The following MUSK variants were observed in gnomAD, a reference collection of about 807,000 sequenced individuals.
MUSK encodes muscle, skeletal receptor tyrosine-protein kinase.
MUSK carries 55 observed loss-of-function variants against 88.7 expected under a neutral mutation model. The ratio of observed to expected loss-of-function variants is 0.62; its 90% CI spans 0.50 to 0.78. The LOEUF is 0.78. Ranked by LOEUF, MUSK falls within the 30% of genes least tolerant of loss-of-function variation. The pLI, the probability that MUSK is intolerant of heterozygous loss-of-function variation, is 0.00. For synonymous variants in MUSK, 387 were observed against 391.9 expected (o/e 0.99, Z 0.15); for missense variants, 1,015 against 1,074.3 (o/e 0.94, Z 0.77).
At chr9:110,771,161 C>CTTTT (rs34185224) in intron 9 of MUSK, among the ~76,000 whole-genome samples, 4,639 of 95,938 alleles carry the variant, frequency 0.048, 4 homozygotes, top group Middle Eastern at 0.07. Context: ...TCATTTCCTT[C>CTTTT]TTTTTTTTTT....
intron 13 of MUSK, among the ~76,000 whole-genome samples, chr9:110,786,765 T>C (rs369450956): frequency 1.3e-5 from 2 of 152,172 alleles, no homozygotes; most frequent in African/African-American, 4.8e-5. Context: ...TTTGTGCGAA[T>C]TGGAATAAAA....
At chr9:110,709,284 A>C (rs1253904197) in intron 5 of MUSK, among the ~76,000 whole-genome samples, 1 of 152,202 alleles carries the variant, frequency 6.6e-6, no homozygotes, top group East Asian at 1.9e-4. Context: ...ACAACAAACT[A>C]TACAAGGCAT....
intron 14 of MUSK, among the ~76,000 whole-genome samples, chr9:110,790,232 T>C (rs564764559): frequency 6.6e-6 from 1 of 152,284 alleles, no homozygotes; most frequent in South Asian, 2.1e-4. Context: ...TGTTCACTGG[T>C]AACCCCGAGA....
rs1201307498 is a variant in MUSK, at chr9:110,803,342, T to C, written c.*2354T>C. Among the ~76,000 whole-genome samples, 3 of 152,240 alleles carry C rather than the reference T, an allele frequency of 2.0e-5. No individual in the cohort carries two copies. The highest frequency in any genetic ancestry group is 7.2e-5 in the African/African-American group (3 of 41,472). ...TTTTGTTTTTGAGACGGAGTCTCGC[T>C]CTGTCGCCCAGGCTGGAGTGCAGTG... is the stretch of plus-strand genomic sequence containing the variant. On this transcript the variant is annotated 3_prime_UTR_variant, in exon 15 of 15. Transcript: ENST00000374448.
intron 3 of MUSK, 68 bp downstream of exon 3, chr9:110,687,336 T>G (rs1334641511): frequency 6.3e-7 from 1 of 1,581,218 alleles, no homozygotes; most frequent in Non-Finnish European, 8.6e-7. Flanking sequence ...TGTATTTATT[T>G]TTTACATTTT....
chr9:110,674,520 T>G (rs1365130976), intron 1 of MUSK, among the ~76,000 whole-genome samples: 1 of 152,168 alleles, frequency 6.6e-6, no homozygotes, highest in Non-Finnish European at 1.5e-5. Context: ...TTGATCTGTT[T>G]TCTGCAGTAA....
At chr9:110,690,528 AAG>A (rs1459827020) in intron 3 of MUSK, among the ~76,000 whole-genome samples, 1 of 99,340 alleles carries the variant, frequency 1.0e-5, no homozygotes, top group African/African-American at 4.3e-5. Flanking sequence ...ATTTAAATAT[AAG>A]TATATATATA....
At chr9:110,756,344 G>A (rs562715519) in intron 7 of MUSK, among the ~76,000 whole-genome samples, 15 of 151,836 alleles carry the variant, frequency 9.9e-5, no homozygotes, top group South Asian at 8.3e-4. Flanking sequence ...CCCTATTGAG[G>A]TAACCTGCAA....
chr9:110,766,695 ATTTG>A (rs2077490264), intron 8 of MUSK, among the ~76,000 whole-genome samples: 1 of 152,202 alleles, frequency 6.6e-6, no homozygotes, highest in Non-Finnish European at 1.5e-5. Context: ...ACAAATTCTA[ATTTG>A]TTTAATTTTC....
intron 5 of MUSK, among the ~76,000 whole-genome samples, chr9:110,707,354 CT>C (rs964822108): frequency 1.3e-5 from 2 of 152,036 alleles, no homozygotes; most frequent in African/African-American, 4.8e-5. Context: ...ATCTAATTTT[CT>C]TTTTTCCCCT....
At chr9:110,718,247 G>A (rs2076769481) in intron 5 of MUSK, among the ~76,000 whole-genome samples, 1 of 152,032 alleles carries the variant, frequency 6.6e-6, no homozygotes, top group Non-Finnish European at 1.5e-5. Flanking sequence ...TAGAGAACAA[G>A]GAGGAGTTAG....
At chr9:110,703,821 CATG>C (rs2076561538) in intron 5 of MUSK, among the ~76,000 whole-genome samples, 1 of 152,084 alleles carries the variant, frequency 6.6e-6, no homozygotes, top group African/African-American at 2.4e-5. Flanking sequence ...TACTCAAAAA[CATG>C]ATGACTAAGA....
At chr9:110,789,167 C>A (rs767258625) in intron 14 of MUSK, among the ~76,000 whole-genome samples, 4 of 152,168 alleles carry the variant, frequency 2.6e-5, no homozygotes, top group Non-Finnish European at 5.9e-5. Context: ...CTTTCTTGAG[C>A]ATTGCATGAA....
chr9:110,701,697 T>G (rs1314009630), intron 5 of MUSK, among the ~76,000 whole-genome samples: 11 of 80 alleles, frequency 0.14, no homozygotes, highest in Admixed American at 0.5. Context: ...TTACTTTATT[T>G]TATTTTATTT....
intron 5 of MUSK, among the ~76,000 whole-genome samples, chr9:110,731,346 A>T (rs1010172694): frequency 6.6e-6 from 1 of 152,074 alleles, no homozygotes. Context: ...ATATGATACA[A>T]TATAAACAAG....
chr9:110,720,665 AAAG>A (rs1327878926), intron 5 of MUSK, among the ~76,000 whole-genome samples: 2 of 152,252 alleles, frequency 1.3e-5, no homozygotes, highest in Admixed American at 6.5e-5. Context: ...TCAGACATTC[AAAG>A]AAGAATTGGT....
At chr9:110,698,579 A>G (rs150817935) in intron 5 of MUSK, among the ~76,000 whole-genome samples, 2,830 of 152,156 alleles carry the variant, frequency 0.019, 46 homozygotes, top group Admixed American at 0.029. Context: ...TCCTTGATGG[A>G]CATTCCTGTC....
chr9:110,703,195 A>C (rs1027411345), intron 5 of MUSK, among the ~76,000 whole-genome samples: 1 of 152,216 alleles, frequency 6.6e-6, no homozygotes, highest in African/African-American at 2.4e-5. Context: ...TTATAAAATA[A>C]GTATGCTTAA....
chr9:110,719,063 C>A (rs2076779208), intron 5 of MUSK, among the ~76,000 whole-genome samples: 1 of 152,008 alleles, frequency 6.6e-6, no homozygotes, highest in Non-Finnish European at 1.5e-5. Context: ...ACTACAATCT[C>A]AAATGAACTC....
Sources: gnomAD v4.1 joint callset for allele counts (sites outside exome capture counted in the v4.1 genomes callset) on GRCh38, gnomAD v4.1.1 for gene constraint, MANE v1.5 for transcripts, NCBI Gene and HGNC (gene_info 2026-07-23, HGNC 2026-07-21) for gene names.